THRB: variants seen among roughly 807,000 people sequenced by gnomAD.
THRB encodes the protein thyroid hormone receptor beta.
A neutral mutation model predicts 47.8 loss-of-function variants in THRB; 12 were observed. The ratio of observed to expected loss-of-function variants is 0.25; its 90% CI spans 0.16 to 0.41. The LOEUF (loss-of-function observed/expected upper bound fraction) is 0.41. THRB is among the 10% of genes least tolerant of loss of function. The pLI, the probability that THRB is intolerant of heterozygous loss-of-function variation, is 1.00. For synonymous variants in THRB, 218 were observed against 212.2 expected (o/e 1.03, Z -0.24); for missense variants, 348 against 589.2 (o/e 0.59, Z 4.24).
chr3:24,421,754 G>A (rs950186261), intron 1 of THRB, among the ~76,000 whole-genome samples: 2 of 151,870 alleles, frequency 1.3e-5, no homozygotes, highest in Non-Finnish European at 1.5e-5. Flanking sequence ...TGATGATGAT[G>A]CTATTAATGA....
intron 1 of THRB, among the ~76,000 whole-genome samples, chr3:24,400,043 C>T (rs911995765): frequency 6.6e-6 from 1 of 152,100 alleles, no homozygotes; most frequent in Non-Finnish European, 1.5e-5. Flanking sequence ...GGTGAAGACA[C>T]CAAATGACGG....
intron 1 of THRB, among the ~76,000 whole-genome samples, chr3:24,404,299 C>T (rs999769938): frequency 1.3e-5 from 2 of 151,880 alleles, no homozygotes; most frequent in Non-Finnish European, 2.9e-5. Context: ...ACAAAAAGTT[C>T]AGTGATAGGG....
chr3:24,493,352 A>G lies in THRB; in HGVS notation c.-261+1300T>C, dbSNP rs73823343. On this transcript the variant is annotated intron_variant, in intron 1 of 10. Coordinates refer to ENST00000646209, the MANE Select transcript of THRB (RefSeq NM_001354712.2). ...GCATTGCATGCTATACATTCTTACAATTTAAATAAGCATACTAAACTAAAG... is the reference window on the plus strand; with the variant it reads ...GCATTGCATGCTATACATTCTTACAGTTTAAATAAGCATACTAAACTAAAG... Among the ~76,000 whole-genome samples the G allele has an allele frequency of 7.1e-3, 1,076 of 152,338 alleles. 12 individuals carry two copies. Among genetic ancestry groups the G allele is most frequent in the African/African-American group, 0.02 (814 of 41,574 alleles).
At chr3:24,367,837 G>T (rs2064591420) in intron 1 of THRB, among the ~76,000 whole-genome samples, 1 of 152,136 alleles carries the variant, frequency 6.6e-6, no homozygotes, top group South Asian at 2.1e-4. Context: ...AGAGTAAGTG[G>T]TGAGAAATGC....
At chr3:24,139,906 G>A (rs540868429) in intron 8 of THRB, among the ~76,000 whole-genome samples, 9 of 152,230 alleles carry the variant, frequency 5.9e-5, no homozygotes, top group South Asian at 4.1e-4. Flanking sequence ...GGAACAAAAT[G>A]GGACATCAAC....
At chr3:24,170,790 T>C (rs189583081) in intron 5 of THRB, among the ~76,000 whole-genome samples, 10 of 152,184 alleles carry the variant, frequency 6.6e-5, no homozygotes, top group Admixed American at 5.9e-4. Flanking sequence ...ACACTCTTCA[T>C]ATACATAACA....
intron 5 of THRB, among the ~76,000 whole-genome samples, chr3:24,180,099 G>T (rs1475903426): frequency 3.3e-5 from 5 of 152,116 alleles, no homozygotes; most frequent in African/African-American, 1.2e-4. Context: ...AAGGGCAGTA[G>T]CTTCTTTTAC....
chr3:24,129,825 GC>G (rs2033538147), intron 9 of THRB, among the ~76,000 whole-genome samples: 1 of 152,216 alleles, frequency 6.6e-6, no homozygotes, highest in South Asian at 2.1e-4. Flanking sequence ...GAGTGGTTTT[GC>G]ATGTTGTTTT....
chr3:24,248,616 C>A (rs534826484), intron 3 of THRB, among the ~76,000 whole-genome samples: 4 of 152,274 alleles, frequency 2.6e-5, no homozygotes, highest in Non-Finnish European at 4.4e-5. Flanking sequence ...TGGAAGAAGA[C>A]TGGAAGGTGA....
At chr3:24,462,961 A>G (rs4470446) in intron 1 of THRB, among the ~76,000 whole-genome samples, 45,434 of 152,078 alleles carry the variant, frequency 0.3, 6,878 homozygotes, top group East Asian at 0.35. Context: ...CACTCCCTGT[A>G]ACCCCCCTCC....
intron 3 of THRB, among the ~76,000 whole-genome samples, chr3:24,295,602 T>C (rs935879077): frequency 1.3e-5 from 2 of 152,238 alleles, no homozygotes; most frequent in African/African-American, 2.4e-5. Context: ...TAAGTTTGCC[T>C]GTATAACACT....
intron 1 of THRB, among the ~76,000 whole-genome samples, chr3:24,454,514 T>C (rs1244293100): frequency 2.6e-5 from 4 of 152,210 alleles, no homozygotes; most frequent in Admixed American, 2.0e-4. Flanking sequence ...GCATAGCATG[T>C]GGATTCTCAA....
intron 1 of THRB, among the ~76,000 whole-genome samples, chr3:24,446,639 T>C (rs931565360): frequency 6.6e-6 from 1 of 151,772 alleles, no homozygotes; most frequent in Non-Finnish European, 1.5e-5. Flanking sequence ...ACATCAGAAG[T>C]CTATTTGTTC....
chr3:24,353,756 C>T, intron 1 of THRB, among the ~76,000 whole-genome samples: 1 of 152,058 alleles, frequency 6.6e-6, no homozygotes, highest in East Asian at 1.9e-4. Flanking sequence ...TAATAAGCCC[C>T]TTAATTTTAA....
intron 6 of THRB, among the ~76,000 whole-genome samples, chr3:24,148,515 G>A (rs550733441): frequency 1.3e-4 from 20 of 152,274 alleles, no homozygotes; most frequent in African/African-American, 2.6e-4. Context: ...GTCTGCCTCC[G>A]CCTCCCAAAG....
At chr3:24,362,451 A>T (rs1285122799) in intron 1 of THRB, among the ~76,000 whole-genome samples, 1 of 152,136 alleles carries the variant, frequency 6.6e-6, no homozygotes, top group East Asian at 1.9e-4. Context: ...AGGGTTTCTC[A>T]TACCAAGCTG....
chr3:24,404,324 T>C (rs952104366), intron 1 of THRB, among the ~76,000 whole-genome samples: 15 of 151,956 alleles, frequency 9.9e-5, no homozygotes, highest in African/African-American at 1.4e-4. Flanking sequence ...AAACTCCATA[T>C]TGCAACTGTC....
intron 6 of THRB, among the ~76,000 whole-genome samples, chr3:24,148,062 TA>T (rs1444328365): frequency 6.6e-6 from 1 of 152,216 alleles, no homozygotes; most frequent in Non-Finnish European, 1.5e-5. Flanking sequence ...CCCAGCCACT[TA>T]AAAAGTTCAT....
chr3:24,171,841 T>C (rs1053059856), intron 5 of THRB, among the ~76,000 whole-genome samples: 27 of 152,146 alleles, frequency 1.8e-4, no homozygotes, highest in Admixed American at 4.6e-4. Context: ...TTAATTAGCA[T>C]GGCTCCTCCT....
Sources: gnomAD v4.1 joint callset for allele counts (sites outside exome capture counted in the v4.1 genomes callset) on GRCh38, gnomAD v4.1.1 for gene constraint, MANE v1.5 for transcripts, NCBI Gene and HGNC (gene_info 2026-07-23, HGNC 2026-07-21) for gene names.